The following NOL4 variants were observed in gnomAD, a reference collection of about 807,000 sequenced individuals.
The protein encoded by NOL4 is nucleolar protein 4, also known as cancer/testis antigen 125.
NOL4 carries 17 observed loss-of-function variants against 75.9 expected under a neutral mutation model. The observed-to-expected ratio is 0.22, with a 90% confidence interval of 0.15 to 0.34. The LOEUF is 0.34. NOL4 is among the 10% of genes least tolerant of loss of function. The probability of loss-of-function intolerance (pLI) is 1.00; values close to 1 mark genes in which losing one functional copy is unlikely to be tolerated. For missense variants in NOL4, 614 were observed against 793.5 expected, an observed-to-expected ratio of 0.77 and a Z score of 2.72; for synonymous variants, 292 against 289.9, an observed-to-expected ratio of 1.01 and a Z score of -0.07.
At chr18:33,857,642 G>A (rs1191316545) in intron 10 of NOL4, among the ~76,000 whole-genome samples, 4 of 151,948 alleles carry the variant, frequency 2.6e-5, no homozygotes, top group East Asian at 1.9e-4. Flanking sequence ...ACTGCTGTGT[G>A]GTAGGACAAC....
At chr18:34,015,405 T>A (rs1884046434) in intron 6 of NOL4, among the ~76,000 whole-genome samples, 1 of 152,080 alleles carries the variant, frequency 6.6e-6, no homozygotes, top group Admixed American at 6.6e-5. Flanking sequence ...CAGGCCAATG[T>A]CACTTCATCT....
chr18:34,222,887 C>G, intron 1 of NOL4, 103 bp downstream of exon 1: 2 of 1,476,792 alleles, frequency 1.4e-6, no homozygotes. Context: ...GGCACACGAG[C>G]CAACGGCGGC....
chr18:34,153,177 T>G (rs2081729782), intron 1 of NOL4, among the ~76,000 whole-genome samples: 1 of 151,896 alleles, frequency 6.6e-6, no homozygotes, highest in South Asian at 2.1e-4. Flanking sequence ...TTCTTTTCGA[T>G]ACATCACTAG....
At chr18:34,019,723 C>T (rs2074929638) in intron 5 of NOL4, 122 bp from the exon 6 acceptor site, 1 of 811,676 alleles carries the variant, frequency 1.2e-6, no homozygotes, top group East Asian at 2.7e-5. Context: ...TGTAATTCAT[C>T]CTCAGCAATA....
intron 5 of NOL4, among the ~76,000 whole-genome samples, chr18:34,080,034 A>T (rs908455989): frequency 2.0e-5 from 3 of 152,232 alleles, no homozygotes; most frequent in African/African-American, 4.8e-5. Context: ...AAAACAAAGC[A>T]TACCTAATAC....
intron 9 of NOL4, among the ~76,000 whole-genome samples, chr18:33,930,840 G>A (rs1480540683): frequency 6.6e-6 from 1 of 152,048 alleles, no homozygotes; most frequent in African/African-American, 2.4e-5. Flanking sequence ...ACTTAAAATA[G>A]TTGAATGAAA....
At chr18:34,215,295 A>G (rs2146594713) in intron 1 of NOL4, among the ~76,000 whole-genome samples, 1 of 152,204 alleles carries the variant, frequency 6.6e-6, no homozygotes, top group East Asian at 1.9e-4. Context: ...CCATTATGTC[A>G]TGTCAGATTG....
chr18:34,024,192 A>ATATATATATATATATATAT (rs1215950663), intron 5 of NOL4, among the ~76,000 whole-genome samples: 3 of 76,170 alleles, frequency 3.9e-5, no homozygotes, highest in African/African-American at 9.8e-5. Context: ...AAAAAAAAAA[A>ATATATATATATATATATAT]AAATATATAT....
At chr18:34,138,305 G>A (rs757273963) in intron 1 of NOL4, among the ~76,000 whole-genome samples, 69 of 152,094 alleles carry the variant, frequency 4.5e-4, no homozygotes, top group Admixed American at 9.8e-4. Flanking sequence ...AGGAGGCTGA[G>A]GTTGTAGGAT....
At chr18:33,983,846 T>C (rs1171782338) in intron 6 of NOL4, among the ~76,000 whole-genome samples, 1 of 151,988 alleles carries the variant, frequency 6.6e-6, no homozygotes, top group Non-Finnish European at 1.5e-5. Flanking sequence ...TCATACAGAC[T>C]TGTTATATGA....
chr18:34,053,726 A>G (rs2145012388), intron 5 of NOL4, among the ~76,000 whole-genome samples: 1 of 152,122 alleles, frequency 6.6e-6, no homozygotes, highest in African/African-American at 2.4e-5. Context: ...AATGTTTAAT[A>G]ACCAGTTTCC....
At chr18:34,071,142 A>C (rs1453343710) in intron 5 of NOL4, among the ~76,000 whole-genome samples, 1 of 152,168 alleles carries the variant, frequency 6.6e-6, no homozygotes, top group African/African-American at 2.4e-5. Context: ...TAGGTGGTGG[A>C]TATACCAAAA....
At chr18:34,015,146 G>A (rs2074609031) in intron 6 of NOL4, among the ~76,000 whole-genome samples, 1 of 151,904 alleles carries the variant, frequency 6.6e-6, no homozygotes, top group Non-Finnish European at 1.5e-5. Flanking sequence ...CATAGCCTTG[G>A]GGTAAAGCAA....
intron 4 of NOL4, among the ~76,000 whole-genome samples, chr18:34,093,968 G>A (rs908286559): frequency 6.6e-6 from 1 of 152,098 alleles, no homozygotes; most frequent in Admixed American, 6.5e-5. Flanking sequence ...CTTGAACCCA[G>A]GAGGCAGAGC....
chr18:34,119,149 A>C (rs2080000003), intron 2 of NOL4, among the ~76,000 whole-genome samples: 1 of 152,232 alleles, frequency 6.6e-6, no homozygotes, highest in Non-Finnish European at 1.5e-5. Flanking sequence ...GTTAGACAAA[A>C]GACAGACATA....
At chr18:34,180,525 T>G (rs1271301665) in intron 1 of NOL4, among the ~76,000 whole-genome samples, 1 of 151,492 alleles carries the variant, frequency 6.6e-6, no homozygotes, top group Admixed American at 6.6e-5. Context: ...CAAGTAACAT[T>G]AAGCATAATA....
chr18:34,161,417 A>G (rs1006205258), intron 1 of NOL4, among the ~76,000 whole-genome samples: 5 of 152,178 alleles, frequency 3.3e-5, no homozygotes, highest in African/African-American at 1.2e-4. Flanking sequence ...CATTCCCACC[A>G]ACCTTGTATA....
intron 1 of NOL4, among the ~76,000 whole-genome samples, chr18:34,171,641 A>G (rs2033051752): frequency 6.6e-6 from 1 of 152,156 alleles, no homozygotes; most frequent in African/African-American, 2.4e-5. Flanking sequence ...AATTGGGCCT[A>G]GTGTGAAGGG....
At chr18:33,957,669 A>G (rs2069753980) in intron 7 of NOL4, 152 bp from the exon 8 acceptor site, 2 of 540,894 alleles carry the variant, frequency 3.7e-6, no homozygotes, top group Admixed American at 6.8e-5. Context: ...TTAAGCAAAC[A>G]CTCTTTAAAG....
Sources: gnomAD v4.1 joint callset for allele counts (sites outside exome capture counted in the v4.1 genomes callset) on GRCh38, gnomAD v4.1.1 for gene constraint, MANE v1.5 for transcripts, NCBI Gene and HGNC (gene_info 2026-07-23, HGNC 2026-07-21) for gene names.